Variants in PALLD observed in about 807,000 individuals in gnomAD.
The protein encoded by PALLD is palladin, cytoskeletal associated protein, also known as palladin.
Under a neutral mutation model 123.5 loss-of-function variants are expected in PALLD, and 61 were observed. The ratio of observed to expected loss-of-function variants is 0.49; its 90% CI spans 0.40 to 0.61. The LOEUF is 0.61. PALLD is among the 20% of genes least tolerant of loss of function. The pLI is 0.00. For synonymous variants in PALLD, 465 were observed against 496.4 expected, an observed-to-expected ratio of 0.94 and a Z score of 0.84; for missense variants, 1,273 against 1,377.0, an observed-to-expected ratio of 0.92 and a Z score of 1.20.
chr4:168,500,539 G>GT (rs879688611), intron 1 of PALLD, among the ~76,000 whole-genome samples: 15 of 151,860 alleles, frequency 9.9e-5, no homozygotes, highest in Middle Eastern at 3.4e-3. Flanking sequence ...AAGTTTTTGG[G>GT]TTTTTTTTTG....
intron 2 of PALLD, among the ~76,000 whole-genome samples, chr4:168,589,850 G>A (rs1022976612): frequency 3.3e-5 from 5 of 152,182 alleles, no homozygotes; most frequent in African/African-American, 7.2e-5. Context: ...TTCCTCTCAT[G>A]ATCCTCTCTG....
At chr4:168,545,944 G>A (rs1006251890) in intron 2 of PALLD, among the ~76,000 whole-genome samples, 2 of 152,152 alleles carry the variant, frequency 1.3e-5, no homozygotes, top group African/African-American at 4.8e-5. Context: ...GTGCTAGGAA[G>A]CTCCCATTTT....
At chr4:168,659,611 G>A (rs972441615) in intron 2 of PALLD, among the ~76,000 whole-genome samples, 4 of 152,148 alleles carry the variant, frequency 2.6e-5, no homozygotes, top group African/African-American at 9.7e-5. Flanking sequence ...AGACTCAACA[G>A]TTTTTAAAGG....
chr4:168,529,958 G>A (rs756535788), intron 2 of PALLD, among the ~76,000 whole-genome samples: 1 of 152,038 alleles, frequency 6.6e-6, no homozygotes, highest in Non-Finnish European at 1.5e-5. Flanking sequence ...CTAATTTTAT[G>A]TTTCTCTATT....
At chr4:168,667,297 G>A (rs907442692) in intron 2 of PALLD, among the ~76,000 whole-genome samples, 1 of 152,126 alleles carries the variant, frequency 6.6e-6, no homozygotes, top group Admixed American at 6.5e-5. Context: ...AGAGCTAAAT[G>A]GACAATATTT....
chr4:168,868,321 A>C (rs1750615638), intron 10 of PALLD, among the ~76,000 whole-genome samples: 1 of 152,210 alleles, frequency 6.6e-6, no homozygotes, highest in African/African-American at 2.4e-5. Context: ...GTATCTGTAA[A>C]GGGAGGGAGG....
intron 17 of PALLD, among the ~76,000 whole-genome samples, chr4:168,916,830 C>T (rs1200707294): frequency 5.3e-5 from 8 of 151,534 alleles, no homozygotes; most frequent in African/African-American, 1.7e-4. Flanking sequence ...GCCACCAGGC[C>T]CAGCTAATTT....
chr4:168,680,438 C>A (rs543336627), intron 3 of PALLD, among the ~76,000 whole-genome samples: 3 of 130,640 alleles, frequency 2.3e-5, no homozygotes, highest in African/African-American at 8.6e-5. Flanking sequence ...GCCAAGATTG[C>A]GCCACTGCAC....
intron 14 of PALLD, among the ~76,000 whole-genome samples, chr4:168,902,789 C>CT (rs1756820246): frequency 6.6e-6 from 1 of 152,080 alleles, no homozygotes; most frequent in Non-Finnish European, 1.5e-5. Flanking sequence ...TACATTGTTT[C>CT]TTTTGAGACA....
intron 20 of PALLD, 31 bp from the exon 21 acceptor site, chr4:168,925,202 C>G: frequency 2.6e-6 from 4 of 1,532,528 alleles, no homozygotes; most frequent in Non-Finnish European, 3.5e-6. Flanking sequence ...CAAAAAAATT[C>G]ATATTGCTCT....
At chr4:168,670,766 A>C (rs1177716073) in intron 3 of PALLD, among the ~76,000 whole-genome samples, 20 of 63,504 alleles carry the variant, frequency 3.1e-4, no homozygotes, top group Non-Finnish European at 4.5e-4. Context: ...CAAAAAAAAC[A>C]AAAAAAAACA....
intron 2 of PALLD, among the ~76,000 whole-genome samples, chr4:168,556,570 T>C (rs187945525): frequency 2.1e-4 from 32 of 152,316 alleles, no homozygotes; most frequent in African/African-American, 7.2e-4. Context: ...CAAATCAACC[T>C]CTTGGTAGCC....
intron 12 of PALLD, among the ~76,000 whole-genome samples, chr4:168,895,065 G>A (rs1197493486): frequency 1.3e-5 from 2 of 152,124 alleles, no homozygotes; most frequent in African/African-American, 4.8e-5. Flanking sequence ...CGGGAGTTAG[G>A]GGGACCAACC....
intron 8 of PALLD, among the ~76,000 whole-genome samples, chr4:168,702,807 T>A (rs1465393248): frequency 1.3e-5 from 2 of 152,216 alleles, no homozygotes; most frequent in East Asian, 3.9e-4. Context: ...AATTTCCCAA[T>A]CCCTTGTAAC....
At chr4:168,531,407 G>A (rs1764584903) in intron 2 of PALLD, among the ~76,000 whole-genome samples, 1 of 152,178 alleles carries the variant, frequency 6.6e-6, no homozygotes, top group Admixed American at 6.5e-5. Flanking sequence ...AGGTAAAGAT[G>A]GAATTCATCC....
chr4:168,907,388 G>A (rs1414016912), intron 15 of PALLD, among the ~76,000 whole-genome samples: 2 of 152,134 alleles, frequency 1.3e-5, no homozygotes, highest in African/African-American at 4.8e-5. Flanking sequence ...TACCCAGTAT[G>A]TTGTTGCTGT....
intron 9 of PALLD, among the ~76,000 whole-genome samples, chr4:168,710,414 T>C (rs997659897): frequency 1.2e-4 from 19 of 152,250 alleles, no homozygotes; most frequent in African/African-American, 4.1e-4. Context: ...GCCTGGAACA[T>C]AATGTACATA....
intron 10 of PALLD, among the ~76,000 whole-genome samples, chr4:168,727,786 G>C (rs989112370): frequency 4.6e-5 from 7 of 152,176 alleles, no homozygotes; most frequent in African/African-American, 1.7e-4. Context: ...ATTTGCCAAA[G>C]CTGAGGTCAA....
At chr4:168,545,264 C>G (rs1766027273) in intron 2 of PALLD, among the ~76,000 whole-genome samples, 1 of 152,134 alleles carries the variant, frequency 6.6e-6, no homozygotes, top group Non-Finnish European at 1.5e-5. Context: ...TGGTGGCTCA[C>G]ACCTGTAATC....
Sources: gnomAD v4.1 joint callset for allele counts (sites outside exome capture counted in the v4.1 genomes callset) on GRCh38, gnomAD v4.1.1 for gene constraint, MANE v1.5 for transcripts, NCBI Gene and HGNC (gene_info 2026-07-23, HGNC 2026-07-21) for gene names.